Variants in ESRRG observed in about 807,000 individuals in gnomAD.
ESRRG encodes estrogen related receptor gamma, also known as estrogen-related receptor gamma.
ESRRG carries 13 observed loss-of-function variants against 44.0 expected under a neutral mutation model. The ratio of observed to expected loss-of-function variants is 0.30; its 90% CI spans 0.19 to 0.47. ESRRG has a LOEUF of 0.47. Among genes scored for constraint, ESRRG ranks in the 20% least tolerant of loss-of-function variants. The pLI, the probability that ESRRG is intolerant of heterozygous loss-of-function variation, is 1.00. For synonymous variants in ESRRG, 215 were observed against 214.6 expected, an observed-to-expected ratio of 1.00 and a Z score of -0.02; for missense variants, 395 against 580.6, an observed-to-expected ratio of 0.68 and a Z score of 3.29.
intron 2 of ESRRG, among the ~76,000 whole-genome samples, chr1:216,902,818 A>G (rs2059241274): frequency 6.6e-6 from 1 of 152,208 alleles, no homozygotes; most frequent in Admixed American, 6.5e-5. Flanking sequence ...ACATGACCAC[A>G]TGCATAGCAT....
intron 2 of ESRRG, among the ~76,000 whole-genome samples, chr1:216,753,182 A>T (rs1324350706): frequency 6.6e-6 from 1 of 152,024 alleles, no homozygotes; most frequent in Non-Finnish European, 1.5e-5. Context: ...TGATACACAC[A>T]CACACACACA....
At chr1:216,723,077 TAGG>T (rs1326871420) in intron 1 of ESRRG, among the ~76,000 whole-genome samples, 164 bp downstream of exon 1, 1 of 152,120 alleles carries the variant, frequency 6.6e-6, no homozygotes, top group Non-Finnish European at 1.5e-5. Flanking sequence ...CTTACTGAAT[TAGG>T]AGATCACCCT....
At chr1:216,726,275 CA>C (rs1420433682), upstream of ESRRG, among the ~76,000 whole-genome samples, 9 of 152,118 alleles carry the variant, frequency 5.9e-5, no homozygotes, top group Non-Finnish European at 1.3e-4. Context: ...CTGTACAAGT[CA>C]AGGACCTAAA....
intron 1 of ESRRG, among the ~76,000 whole-genome samples, chr1:217,026,912 C>CAGAGAGAGAGAGAGAGAGAGAGAGAG (rs71163786): frequency 2.1e-5 from 2 of 93,414 alleles, no homozygotes; most frequent in African/African-American, 8.1e-5. Context: ...CACACACACA[C>CAGAGAGAGAGAGAGAGAGAGAGAGAG]AGAGAGAGAG....
intron 2 of ESRRG, among the ~76,000 whole-genome samples, chr1:216,853,449 CTTCAA>C (rs2095870657): frequency 1.3e-5 from 2 of 152,180 alleles, no homozygotes. Flanking sequence ...CCTATTTTGT[CTTCAA>C]TTCAGTGTTC....
chr1:216,952,603 C>T (rs979220580), intron 1 of ESRRG, among the ~76,000 whole-genome samples: 9 of 152,106 alleles, frequency 5.9e-5, no homozygotes, highest in African/African-American at 1.7e-4. Context: ...GCAAAAATAG[C>T]TGCTGGAATT....
At position 216,805,358 on chromosome 1, in the gene ESRRG, T is replaced by C. The variant is rs1317528058; in HGVS notation, c.-13-127867A>G. The C allele has an allele frequency of 2.0e-5, 3 of 151,658 alleles. No homozygotes were observed. In the East Asian group the frequency reaches 5.8e-4, roughly 30 times the overall value. 9.4% of individuals were successfully genotyped at this position (151,658 alleles called of 1,614,324 possible). A position where few individuals can be genotyped will look rare whatever the true frequency, so the allele number is the denominator to read the frequency against. On this transcript the variant is annotated intron_variant, in intron 2 of 7. Transcript: ENST00000359162. ...GTTAGCTAGCAATATTCCGATGCTG[T>C]GTGTGGATAACTAGACAGTGTCAGA...
chr1:216,793,265 G>A (rs1169804091), intron 2 of ESRRG, among the ~76,000 whole-genome samples: 1 of 152,124 alleles, frequency 6.6e-6, no homozygotes, highest in African/African-American at 2.4e-5. Context: ...CCCCTATCCT[G>A]GTATTTATAT....
At chr1:216,511,748 G>A (rs2042786684) in intron 6 of ESRRG, among the ~76,000 whole-genome samples, 1 of 152,070 alleles carries the variant, frequency 6.6e-6, no homozygotes, top group Non-Finnish European at 1.5e-5. Context: ...TTGTCACACC[G>A]AATAGAAAGG....
Position 216,951,783 on chromosome 1 carries a change from A to T in ESRRG, c.-105-12110T>A, listed in dbSNP as rs542039170. Among the ~76,000 whole-genome samples the T allele has an allele frequency of 1.2e-4, 18 of 150,424 alleles. 1 individual carries two copies. The South Asian group carries it at 3.8e-3, about 32-fold the overall frequency. On this transcript the variant is annotated intron_variant, in intron 1 of 7. Transcript: ENST00000359162. ...TATACAGCAAAAAATAAAAGCTTGC[A>T]TTAAATATGCTTAAATAATTGTTAC...
At chr1:216,812,618 T>C (rs2095010818) in intron 2 of ESRRG, among the ~76,000 whole-genome samples, 1 of 152,232 alleles carries the variant, frequency 6.6e-6, no homozygotes, top group Non-Finnish European at 1.5e-5. Context: ...TCAGTCTTTC[T>C]TTCTTAGAAA....
chr1:216,575,634 G>A lies in ESRRG; in HGVS notation c.590-7536C>T, dbSNP rs570107909. Reference sequence around the variant, plus strand: ...ATCCCATTTTACAGATGAGAAAACCGGAACTAGTAAGAGGCAGAAACAGGA... The same window carrying A: ...ATCCCATTTTACAGATGAGAAAACCAGAACTAGTAAGAGGCAGAAACAGGA... On this transcript the variant is annotated intron_variant, in intron 3 of 6. Transcript: ENST00000408911. Among the ~76,000 whole-genome samples the A allele has an allele frequency of 3.4e-4, 51 of 152,180 alleles. No individual in the cohort carries two copies. The Middle Eastern group carries it at 0.014, about 41-fold the overall frequency.
chr1:216,726,385 T>C (rs879881002), upstream of ESRRG, among the ~76,000 whole-genome samples: 12 of 152,176 alleles, frequency 7.9e-5, no homozygotes, highest in Non-Finnish European at 1.6e-4. Flanking sequence ...ATTTTACAAA[T>C]ACACAGCTCA....
intron 1 of ESRRG, among the ~76,000 whole-genome samples, chr1:216,716,474 T>A (rs1477980599): frequency 1.3e-5 from 2 of 151,978 alleles, no homozygotes; most frequent in African/African-American, 2.4e-5. Context: ...AATTGACATG[T>A]CTGTGATATG....
intron 2 of ESRRG, among the ~76,000 whole-genome samples, chr1:216,855,947 G>A (rs1237387912): frequency 1.3e-5 from 2 of 152,110 alleles, no homozygotes; most frequent in Admixed American, 6.5e-5. Flanking sequence ...TAATGATGAG[G>A]TGCTTCCTCC....
chr1:216,553,563 T>C (rs1229384076), intron 5 of ESRRG, among the ~76,000 whole-genome samples: 1 of 152,154 alleles, frequency 6.6e-6, no homozygotes, highest in Non-Finnish European at 1.5e-5. Context: ...GGAAGCAAAG[T>C]TATGTGATTA....
intron 2 of ESRRG, among the ~76,000 whole-genome samples, chr1:216,662,629 G>GC (rs2072801102): frequency 6.6e-6 from 1 of 152,054 alleles, no homozygotes; most frequent in South Asian, 2.1e-4. Flanking sequence ...GGGAGAGTGG[G>GC]GGGGTTCCTG....
rs950361261 is a variant in ESRRG, at chr1:216,504,370, A to G, written c.*2569T>C. The G allele has an allele frequency of 6.6e-6, 1 of 152,482 alleles. No individual in the cohort carries two copies. Among genetic ancestry groups the G allele is most frequent in the Non-Finnish European group, 1.5e-5 (1 of 67,964 alleles). 9.4% of individuals were successfully genotyped at this position (152,482 alleles called of 1,614,324 possible). A position where few individuals can be genotyped will look rare whatever the true frequency, so the allele number is the denominator to read the frequency against. The stretch of plus-strand genomic sequence containing the variant: ...TTGTTATTTTTAAAGGGATGTGCCA[A>G]TTTCTGAACTCCTATCACAGCTATA... On this transcript the variant is annotated 3_prime_UTR_variant, in exon 7 of 7. Transcript: ENST00000408911.
intron 3 of ESRRG, among the ~76,000 whole-genome samples, chr1:216,570,299 TTGCCATGCATGTTGTTCACAAAGAAG>T (rs2060538666): frequency 1.3e-5 from 2 of 152,164 alleles, no homozygotes. Context: ...TCACTGAAAA[TTGCCATGCATGTTGTTCACAAAGAAG>T]TTATATTTCT....
Sources: gnomAD v4.1 joint callset for allele counts (sites outside exome capture counted in the v4.1 genomes callset) on GRCh38, gnomAD v4.1.1 for gene constraint, MANE v1.5 for transcripts, NCBI Gene and HGNC (gene_info 2026-07-23, HGNC 2026-07-21) for gene names.